The following STOX2 variants were observed in gnomAD, a reference collection of about 807,000 sequenced individuals.
STOX2 encodes storkhead-box protein 2.
A neutral mutation model predicts 60.9 loss-of-function variants in STOX2; 28 were observed. That is an observed-to-expected ratio of 0.46 (90% CI 0.34 to 0.63). STOX2 has a LOEUF of 0.63. STOX2 is among the 30% of genes least tolerant of loss of function. The probability of loss-of-function intolerance (pLI) is 0.01; values close to 1 mark genes in which losing one functional copy is unlikely to be tolerated. For missense variants in STOX2, 1,024 were observed against 1,187.7 expected, an observed-to-expected ratio of 0.86 and a Z score of 2.03; for synonymous variants, 472 against 463.9, an observed-to-expected ratio of 1.02 and a Z score of -0.22.
rs1168863984 is a variant in STOX2 at position 183,806,908 on chromosome 4, C to T, written c.364+8853C>T. Among the ~76,000 whole-genome samples the T allele has an allele frequency of 6.6e-6, 1 of 152,176 alleles. No individual in the cohort carries two copies. Among genetic ancestry groups the T allele is most frequent in the African/African-American group, 2.4e-5 (1 of 41,426 alleles). Reference sequence around the variant, plus strand: ...CCCGCATGCACTGCCCCCACGGCCCCACAGCTCGAAGCCCCCATGCCTGGA... The same window carrying T: ...CCCGCATGCACTGCCCCCACGGCCCTACAGCTCGAAGCCCCCATGCCTGGA... On this transcript the variant is annotated intron_variant, in intron 1 of 2. Transcript: ENST00000513034. This position sits in a 1 kb window ranked among gnomAD's most constrained non-coding sequence, Gnocchi z 4.1.
At chr4:183,877,530 T>C (rs368769648) in intron 1 of STOX2, among the ~76,000 whole-genome samples, 46 of 152,324 alleles carry the variant, frequency 3.0e-4, no homozygotes, top group East Asian at 2.3e-3. Context: ...TGTAACTTTG[T>C]TGCAGAGCCG....
At chr4:183,860,442 C>CAA (rs35753992) in intron 1 of STOX2, among the ~76,000 whole-genome samples, 11,283 of 121,306 alleles carry the variant, frequency 0.093, 478 homozygotes, top group African/African-American at 0.15. Context: ...AAACAAAAAA[C>CAA]AAAAAAAAAA....
chr4:184,006,685 C>CAAA (rs1199363509), intron 2 of STOX2, among the ~76,000 whole-genome samples: 23,094 of 76,172 alleles, frequency 0.3, 4,175 homozygotes, highest in African/African-American at 0.38. Context: ...GACCCTGTCT[C>CAAA]AAAAAAAAAA....
intron 1 of STOX2, among the ~76,000 whole-genome samples, chr4:183,822,889 G>A (rs1428237725): frequency 1.3e-5 from 2 of 152,182 alleles, no homozygotes; most frequent in African/African-American, 2.4e-5. Context: ...GTATCTTGCT[G>A]GAGGTCCAGC....
At chr4:183,889,020 G>A (rs911194266) in intron 1 of STOX2, among the ~76,000 whole-genome samples, 3 of 151,540 alleles carry the variant, frequency 2.0e-5, no homozygotes, top group African/African-American at 7.3e-5. Flanking sequence ...ATGCGTTATT[G>A]GACCGTCTTT....
At chr4:183,820,948 A>C (rs921379121) in intron 1 of STOX2, among the ~76,000 whole-genome samples, 44 of 151,146 alleles carry the variant, frequency 2.9e-4, no homozygotes, top group Non-Finnish European at 5.4e-4. Context: ...AAAAAAAAAA[A>C]CACCAAAAAT....
At chr4:183,869,201 A>T (rs950340412) in intron 1 of STOX2, among the ~76,000 whole-genome samples, 1 of 152,242 alleles carries the variant, frequency 6.6e-6, no homozygotes, top group Admixed American at 6.5e-5. Flanking sequence ...TGCTATCTTT[A>T]TAACACAATT....
At chr4:183,857,070 T>A (rs1409918763) in intron 1 of STOX2, among the ~76,000 whole-genome samples, 2 of 152,156 alleles carry the variant, frequency 1.3e-5, no homozygotes, top group East Asian at 3.9e-4. Flanking sequence ...AGGGTAATCC[T>A]TCTGCCTGGT....
intron 1 of STOX2, among the ~76,000 whole-genome samples, chr4:183,819,444 T>C (rs1042579907): frequency 6.6e-6 from 1 of 151,200 alleles, no homozygotes; most frequent in East Asian, 2.0e-4. Context: ...ACTGGGCAGG[T>C]TGAGGCAGGA....
chr4:183,963,343 TA>T (rs1743466330), intron 1 of STOX2, among the ~76,000 whole-genome samples: 1 of 152,256 alleles, frequency 6.6e-6, no homozygotes, highest in Non-Finnish European at 1.5e-5. Flanking sequence ...GCCATTAAAA[TA>T]ATTTTTAAAT....
intron 1 of STOX2, among the ~76,000 whole-genome samples, chr4:183,802,363 A>G (rs1425277292): frequency 1.3e-5 from 2 of 152,148 alleles, no homozygotes; most frequent in Admixed American, 1.3e-4. Flanking sequence ...CAAATAGTAG[A>G]TTTTTAAGAC....
rs544331947 is a variant in STOX2 at position 183,873,658 on chromosome 4, T to C, written c.364+75603T>C. 6.7e-4 allele frequency among the ~76,000 whole-genome samples: 102 copies of C among 152,232 alleles called. 2 individuals are homozygous for C. The South Asian group carries it at 7.1e-3, about 11-fold the overall frequency. ...ATGCCTCCCTTTACTGTCTCTTGGG[T>C]ATGTTGAAACCGGGAAGTGAGACAA... is the stretch of plus-strand genomic sequence containing the variant. On this transcript the variant is annotated intron_variant, in intron 1 of 2. Transcript: ENST00000513034.
At chr4:183,870,789 T>C (rs1740671001) in intron 1 of STOX2, among the ~76,000 whole-genome samples, 1 of 152,230 alleles carries the variant, frequency 6.6e-6, no homozygotes, top group Admixed American at 6.5e-5. Flanking sequence ...AATTACTATA[T>C]TGAACGTGGA....
At chr4:183,985,877 T>G (rs987352204) in intron 1 of STOX2, among the ~76,000 whole-genome samples, 2 of 152,230 alleles carry the variant, frequency 1.3e-5, no homozygotes, top group Non-Finnish European at 2.9e-5. Context: ...AGGCACCCTG[T>G]CTGACCTTAC....
intron 1 of STOX2, among the ~76,000 whole-genome samples, chr4:183,969,495 C>T (rs1425774226): frequency 1.2e-4 from 19 of 152,142 alleles, no homozygotes; most frequent in Admixed American, 9.8e-4. Flanking sequence ...CTTGAACTCC[C>T]GGGCTCAAGC....
rs563603787 is a variant in STOX2 at position 183,908,177 on chromosome 4, G to A, written c.166+1221G>A. Among the ~76,000 whole-genome samples, 3 of 152,306 alleles carry A rather than the reference G, an allele frequency of 2.0e-5. No individual in the cohort carries two copies. The South Asian group carries it at 6.2e-4, about 32-fold the overall frequency. On this transcript the variant is annotated intron_variant, in intron 1 of 3. Transcript: ENST00000308497. ...TTATTGCAAAGTCAGGCGACATAAG[G>A]ATGTTGTACTATTTTGGCAATAAGG...
chr4:184,006,239 T>C (rs924918785), intron 2 of STOX2, among the ~76,000 whole-genome samples: 1 of 152,220 alleles, frequency 6.6e-6, no homozygotes, highest in East Asian at 1.9e-4. Flanking sequence ...TGAATACTTA[T>C]AAATGAACCT....
At chr4:183,968,924 A>AT (rs2111172241) in intron 1 of STOX2, among the ~76,000 whole-genome samples, 1 of 152,380 alleles carries the variant, frequency 6.6e-6, no homozygotes, top group South Asian at 2.1e-4. Flanking sequence ...TGAAAAGTAC[A>AT]TATGACTTTA....
intron 1 of STOX2, among the ~76,000 whole-genome samples, chr4:183,833,153 T>C (rs79983817): frequency 0.013 from 1,930 of 152,340 alleles, 43 homozygotes; most frequent in Admixed American, 0.065. Flanking sequence ...CTAAATTCAG[T>C]GACAGTTCTT....
Sources: allele counts gnomAD v4.1 joint callset (sites outside exome capture counted in the v4.1 genomes callset), GRCh38; gene constraint gnomAD v4.1.1; non-coding constraint Gnocchi (gnomAD v3.1); transcripts MANE v1.5; gene names NCBI Gene and HGNC (gene_info 2026-07-23, HGNC 2026-07-21).